Variants in CACNA2D3 observed in about 807,000 individuals in gnomAD.
The protein encoded by CACNA2D3 is voltage-dependent calcium channel subunit alpha-2/delta-3.
Under a neutral mutation model 160.6 loss-of-function variants are expected in CACNA2D3, and 60 were observed. The observed-to-expected ratio is 0.37, with a 90% CI of 0.30 to 0.46. The LOEUF (loss-of-function observed/expected upper bound fraction) is 0.46, where lower values mean the gene tolerates loss of function less well. CACNA2D3 is among the 20% of genes least tolerant of loss of function. The probability of loss-of-function intolerance (pLI) is 1.00; values close to 1 mark genes in which losing one functional copy is unlikely to be tolerated. For missense variants in CACNA2D3, 1,205 were observed against 1,365.0 expected (o/e 0.88, Z 1.85); for synonymous variants, 558 against 492.9 (o/e 1.13, Z -1.75).
chr3:54,703,011 A>G (rs1700793860), intron 11 of CACNA2D3, among the ~76,000 whole-genome samples: 1 of 152,192 alleles, frequency 6.6e-6, no homozygotes, highest in African/African-American at 2.4e-5. Flanking sequence ...TTCATTTATA[A>G]GTGGGAGCTA....
At chr3:54,889,851 A>G (rs531210388) in intron 24 of CACNA2D3, among the ~76,000 whole-genome samples, 4 of 152,260 alleles carry the variant, frequency 2.6e-5, no homozygotes, top group Admixed American at 6.5e-5. Context: ...TTCGGCTCTC[A>G]TGAAACTCAA....
chr3:54,960,411 C>T (rs1702003421), intron 27 of CACNA2D3, among the ~76,000 whole-genome samples: 1 of 152,138 alleles, frequency 6.6e-6, no homozygotes, highest in African/African-American at 2.4e-5. Flanking sequence ...ATTTAAAATA[C>T]CTCCTCCCCT....
chr3:55,012,636 T>C (rs1269557245), intron 34 of CACNA2D3, among the ~76,000 whole-genome samples: 3 of 152,142 alleles, frequency 2.0e-5, no homozygotes, highest in Non-Finnish European at 4.4e-5. Context: ...GGGGAATGGC[T>C]GGAGACATTT....
chr3:54,367,766 T>G (rs549632942), intron 3 of CACNA2D3, among the ~76,000 whole-genome samples: 221 of 152,284 alleles, frequency 1.5e-3, no homozygotes, highest in Middle Eastern at 6.8e-3. Context: ...TTCCCAGAGT[T>G]TTTTGGGTTA....
rs1323895685 is a variant in CACNA2D3 at position 54,763,809 on chromosome 3, A to ATGTATATATATG, written c.1247-408_1247-407insGTATATATATGT. On this transcript the variant is annotated intron_variant, in intron 12 of 37. Coordinates refer to ENST00000474759, the MANE Select transcript of CACNA2D3 (RefSeq NM_018398.3). ...TATATGTATATATATGTACATATATATACATATATATATACGTATATATAT... is the reference window on the plus strand; with the variant it reads ...TATATGTATATATATGTACATATATATGTATATATATGTACATATATATATACGTATATATAT... Among the ~76,000 whole-genome samples the ATGTATATATATG allele has an allele frequency of 5.0e-3, 79 of 15,736 alleles. 12 individuals carry two copies. Among genetic ancestry groups the ATGTATATATATG allele is most frequent in the South Asian group, 0.011 (6 of 558 alleles). The allele number at this position is 15,736 out of a possible 152,430, so 10.3% of individuals were successfully genotyped here.
chr3:54,240,493 C>G (rs13319005), intron 2 of CACNA2D3, among the ~76,000 whole-genome samples: 1 of 152,112 alleles, frequency 6.6e-6, no homozygotes, highest in Admixed American at 6.5e-5. Context: ...GTGAGAGGCA[C>G]CTACTCGGAA....
intron 2 of CACNA2D3, among the ~76,000 whole-genome samples, chr3:54,200,762 T>A (rs991076735): frequency 6.6e-6 from 1 of 152,228 alleles, no homozygotes; most frequent in Non-Finnish European, 1.5e-5. Context: ...TAGCATTTGA[T>A]TACTTAGGAT....
At chr3:54,385,658 C>G (rs1404965884) in intron 3 of CACNA2D3, among the ~76,000 whole-genome samples, 1 of 152,162 alleles carries the variant, frequency 6.6e-6, no homozygotes, top group Non-Finnish European at 1.5e-5. Flanking sequence ...GTATTTCAGC[C>G]TCTTCACTTC....
At chr3:55,022,578 C>T (rs1217089442) in intron 35 of CACNA2D3, among the ~76,000 whole-genome samples, 5 of 148,700 alleles carry the variant, frequency 3.4e-5, no homozygotes, top group Admixed American at 3.3e-4. Context: ...TTCCTTCCTT[C>T]CTTCCTTCCT....
intron 3 of CACNA2D3, among the ~76,000 whole-genome samples, chr3:54,377,334 C>G (rs1699029201): frequency 6.6e-6 from 1 of 152,194 alleles, no homozygotes; most frequent in Non-Finnish European, 1.5e-5. Flanking sequence ...GATTTGGAGT[C>G]CTTTTCTTGG....
chr3:54,987,178 A>G (rs1017936748), intron 30 of CACNA2D3, among the ~76,000 whole-genome samples: 2 of 152,166 alleles, frequency 1.3e-5, no homozygotes, highest in African/African-American at 2.4e-5. Flanking sequence ...ATCCTCAGAA[A>G]GTGATTCTGA....
intron 5 of CACNA2D3, among the ~76,000 whole-genome samples, chr3:54,514,267 C>T (rs1701508001): frequency 1.3e-5 from 2 of 152,100 alleles, no homozygotes; most frequent in Admixed American, 1.3e-4. Context: ...TGCAAACTTG[C>T]CATACCAAAA....
chr3:54,821,701 C>CTTTCT (rs1413412138), intron 14 of CACNA2D3, among the ~76,000 whole-genome samples: 23 of 67,494 alleles, frequency 3.4e-4, no homozygotes, highest in Admixed American at 7.0e-4. Flanking sequence ...TCTTTCTTTC[C>CTTTCT]TTCCTTCCTT....
chr3:54,520,479 C>A (rs936534034), intron 5 of CACNA2D3, among the ~76,000 whole-genome samples: 2 of 152,174 alleles, frequency 1.3e-5, no homozygotes, highest in African/African-American at 4.8e-5. Flanking sequence ...AAGGAGTAAC[C>A]TTTTAGCTGT....
intron 4 of CACNA2D3, among the ~76,000 whole-genome samples, chr3:54,485,854 G>A (rs973743848): frequency 3.3e-5 from 5 of 152,054 alleles, no homozygotes; most frequent in African/African-American, 1.2e-4. Flanking sequence ...CTGAGTGCCC[G>A]GCCAATATGC....
chr3:54,522,719 G>A (rs1192857980), intron 5 of CACNA2D3, among the ~76,000 whole-genome samples: 1 of 152,094 alleles, frequency 6.6e-6, no homozygotes, highest in Non-Finnish European at 1.5e-5. Flanking sequence ...AGAAAGCCAA[G>A]CTTATTTCTG....
chr3:54,862,079 G>C (rs965069348), intron 17 of CACNA2D3, among the ~76,000 whole-genome samples: 2 of 152,160 alleles, frequency 1.3e-5, no homozygotes, highest in African/African-American at 4.8e-5. Context: ...ACAAGAACCA[G>C]CTCAGTTTGG....
At position 54,295,652 on chromosome 3, in the gene CACNA2D3, T is replaced by C. The variant is rs1004842548; in HGVS notation, c.205-24790T>C. ...ATGCACAATTTACAGGAATAGTCACTTATGCCTTAGTTAGTCTAGCTTAGT... is the reference window on the plus strand; with the variant it reads ...ATGCACAATTTACAGGAATAGTCACCTATGCCTTAGTTAGTCTAGCTTAGT... On this transcript the variant is annotated intron_variant, in intron 2 of 37. Transcript: ENST00000474759. 6.6e-5 allele frequency among the ~76,000 whole-genome samples: 10 copies of C among 152,206 alleles called. 1 individual carries two copies. Among genetic ancestry groups the C allele is most frequent in the Non-Finnish European group, 7.3e-5 (5 of 68,036 alleles).
intron 27 of CACNA2D3, among the ~76,000 whole-genome samples, chr3:54,946,570 C>G (rs775496184): frequency 6.6e-6 from 1 of 152,076 alleles, no homozygotes; most frequent in African/African-American, 2.4e-5. Context: ...TTTGACTTAA[C>G]GAAGAAGAGC....
Sources: allele counts gnomAD v4.1 joint callset (sites outside exome capture counted in the v4.1 genomes callset), GRCh38; gene constraint gnomAD v4.1.1; transcripts MANE v1.5; gene names NCBI Gene and HGNC (gene_info 2026-07-23, HGNC 2026-07-21).